Variants in MBTD1 observed in about 807,000 individuals in gnomAD.
MBTD1 encodes the protein MBT domain-containing protein 1.
Under a neutral mutation model 87.8 loss-of-function variants are expected in MBTD1, and 24 were observed. The observed-to-expected ratio is 0.27, with a 90% confidence interval of 0.20 to 0.38. The LOEUF (loss-of-function observed/expected upper bound fraction) is 0.38, where lower values mean the gene tolerates loss of function less well. Among genes scored for constraint, MBTD1 ranks in the 10% least tolerant of loss-of-function variants. The pLI, the probability that MBTD1 is intolerant of heterozygous loss-of-function variation, is 1.00. For synonymous variants in MBTD1, 237 were observed against 248.6 expected (o/e 0.95, Z 0.44); for missense variants, 436 against 760.2 (o/e 0.57, Z 5.02).
At chr17:51,258,449 T>G (rs1221933901) in intron 2 of MBTD1, among the ~76,000 whole-genome samples, 1 of 151,430 alleles carries the variant, frequency 6.6e-6, no homozygotes, top group Non-Finnish European at 1.5e-5. Flanking sequence ...TATTGTAAAC[T>G]CTAAACAAGT....
intron 2 of MBTD1, among the ~76,000 whole-genome samples, chr17:51,244,543 G>C (rs926138984): frequency 1.3e-5 from 2 of 151,914 alleles, no homozygotes; most frequent in African/African-American, 4.8e-5. Flanking sequence ...GAGTAGCTGG[G>C]ATTACAGGTG....
chr17:51,202,502 G>A (rs2143102023), intron 10 of MBTD1, among the ~76,000 whole-genome samples, 199 bp downstream of exon 10: 1 of 152,296 alleles, frequency 6.6e-6, no homozygotes, highest in South Asian at 2.1e-4. Context: ...TCCTTCTTTT[G>A]GAGAACAAGT....
intron 16 of MBTD1, among the ~76,000 whole-genome samples, chr17:51,189,015 C>T (rs1250047658): frequency 1.3e-5 from 2 of 152,116 alleles, no homozygotes; most frequent in East Asian, 3.9e-4. Flanking sequence ...GCCTCGGCCT[C>T]CCAAAGTGCT....
intron 7 of MBTD1, among the ~76,000 whole-genome samples, chr17:51,204,889 C>A (rs1194784602): frequency 6.6e-6 from 1 of 152,250 alleles, no homozygotes; most frequent in Middle Eastern, 3.4e-3. Context: ...CTTTAAGAAT[C>A]TAAATTTTTC....
At chr17:51,236,170 C>T (rs2053826173) in intron 2 of MBTD1, among the ~76,000 whole-genome samples, 1 of 152,098 alleles carries the variant, frequency 6.6e-6, no homozygotes, top group South Asian at 2.1e-4. Context: ...TATAGATTCA[C>T]ATCTCTACCT....
At chr17:51,252,885 G>A (rs1381223918) in intron 2 of MBTD1, among the ~76,000 whole-genome samples, 2 of 151,814 alleles carry the variant, frequency 1.3e-5, no homozygotes, top group Admixed American at 1.3e-4. Context: ...CCACTATAAA[G>A]TCACTAATGT....
At chr17:51,181,880 T>A (rs1275375752) in intron 16 of MBTD1, among the ~76,000 whole-genome samples, 1 of 152,158 alleles carries the variant, frequency 6.6e-6, no homozygotes, top group South Asian at 2.1e-4. Flanking sequence ...CAGTTTCATA[T>A]CCCCAAAGTG....
At chr17:51,226,185 C>CA (rs1463113540) in intron 2 of MBTD1, among the ~76,000 whole-genome samples, 13 of 147,478 alleles carry the variant, frequency 8.8e-5, no homozygotes, top group Admixed American at 6.0e-4. Flanking sequence ...AAAAAAAACA[C>CA]AAAAAAACAA....
intron 6 of MBTD1, chr17:51,209,331 C>T (rs1036006389): frequency 1.3e-5 from 6 of 470,492 alleles, no homozygotes; most frequent in Admixed American, 2.4e-5. Context: ...ACTCAGGACG[C>T]GAGGTCCACC....
chr17:51,206,541 T>C (rs1233756163), intron 7 of MBTD1, among the ~76,000 whole-genome samples: 1 of 152,158 alleles, frequency 6.6e-6, no homozygotes, highest in East Asian at 1.9e-4. Context: ...TTTTTAATGG[T>C]TGAAAAGAAA....
chr17:51,229,817 C>T (rs1047500465), intron 2 of MBTD1, among the ~76,000 whole-genome samples: 1 of 151,982 alleles, frequency 6.6e-6, no homozygotes, highest in Non-Finnish European at 1.5e-5. Context: ...CCCACCACCA[C>T]GCCCGGCTAA....
chr17:51,185,037 C>G (rs2050472901), intron 16 of MBTD1: 1 of 152,042 alleles, frequency 6.6e-6, no homozygotes, highest in Non-Finnish European at 1.5e-5. Flanking sequence ...GAGGCAAAAG[C>G]TAAAGAACAT....
rs978058343 is a variant in MBTD1 at position 51,259,898 on chromosome 17, C to T, written c.-176G>A. Reference sequence around the variant, plus strand: ...GGGTTGTCCGTGCTCCCCGAGCCCGCGGCGCCCCCTCCCCGGGCTGGGGGC... The same window carrying T: ...GGGTTGTCCGTGCTCCCCGAGCCCGTGGCGCCCCCTCCCCGGGCTGGGGGC... On this transcript the variant is annotated 5_prime_UTR_variant, in exon 1 of 17. Transcript: ENST00000586178. 4.0e-5 allele frequency: 49 copies of T among 1,231,434 alleles called. No individual in the cohort carries two copies. Among genetic ancestry groups the T allele is most frequent in the African/African-American group, 4.7e-5 (3 of 64,312 alleles). The allele number at this position is 1,231,434 out of a possible 1,614,324, so 76.3% of individuals were successfully genotyped here. A position where few individuals can be genotyped will look rare whatever the true frequency, so the allele number is the denominator to read the frequency against.
At chr17:51,260,723 CAGCGGAAACCGCCGGCCCGGCCG>C (rs1271886043), upstream of MBTD1, 1 of 1,595,576 alleles carries the variant, frequency 6.3e-7, no homozygotes, top group East Asian at 2.3e-5. Context: ...CCCTTCATCC[CAGCGGAAACCGCCGGCCCGGCCG>C]AGCGCGGCGG....
At chr17:51,192,537 CTA>C in intron 15 of MBTD1, 1 of 696,402 alleles carries the variant, frequency 1.4e-6, no homozygotes, top group African/African-American at 1.8e-5. Context: ...AATAGTAAGT[CTA>C]GTTTAATTTG....
intron 2 of MBTD1, among the ~76,000 whole-genome samples, chr17:51,236,041 AT>A (rs1467621936): frequency 2.0e-5 from 3 of 152,276 alleles, no homozygotes; most frequent in African/African-American, 7.2e-5. Flanking sequence ...TTATGGGTAT[AT>A]ATGGGTCTAT....
In MBTD1 at chr17:51,259,843, TTG is replaced by T; in HGVS notation, c.-123_-122del. On this transcript the variant is annotated 5_prime_UTR_variant, in exon 1 of 17. The change abolishes the stop of an existing upstream ORF in the 5' untranslated region. Transcript: ENST00000586178. Reference sequence around the variant, plus strand: ...CCGCGCTCGGCTCTCACCAGATCCTTTGTGTTTTCCATCAGGGCCTCATGGGT... The same window carrying T: ...CCGCGCTCGGCTCTCACCAGATCCTTTGTTTTCCATCAGGGCCTCATGGGT... The T allele has an allele frequency of 1.5e-5, 18 of 1,231,774 alleles. No homozygotes were observed. Among genetic ancestry groups the T allele is most frequent in the South Asian group, 8.2e-5 (2 of 24,316 alleles). 76.3% of individuals were successfully genotyped at this position (1,231,774 alleles called of 1,614,324 possible). A position where few individuals can be genotyped will look rare whatever the true frequency, so the allele number is the denominator to read the frequency against.
intron 2 of MBTD1, among the ~76,000 whole-genome samples, chr17:51,244,322 T>C (rs77063159): frequency 1.3e-5 from 2 of 152,298 alleles, no homozygotes; most frequent in South Asian, 4.1e-4. Context: ...CTAACTTCTA[T>C]TTTTTTCCCA....
Position 51,180,560 on chromosome 17 carries a change from C to T in MBTD1, c.*16G>A, listed in dbSNP as rs1568138114. The T allele has an allele frequency of 3.6e-6, 5 of 1,406,698 alleles. No individual in the cohort carries two copies. Among genetic ancestry groups the T allele is most frequent in the Non-Finnish European group, 4.9e-6 (5 of 1,017,196 alleles). The allele number at this position is 1,406,698 out of a possible 1,614,324, so 87.1% of individuals were successfully genotyped here. A position where few individuals can be genotyped will look rare whatever the true frequency, so the allele number is the denominator to read the frequency against. On this transcript the variant is annotated 3_prime_UTR_variant, in exon 17 of 17. Coordinates refer to ENST00000586178, the MANE Select transcript of MBTD1 (RefSeq NM_017643.3). The stretch of plus-strand genomic sequence containing the variant: ...TGTAAAATCCTTCCCCACCCGCCCT[C>T]AGTTTCTAAGCCACCTCATGGCTCT...
Sources: gnomAD v4.1 joint callset for allele counts (sites outside exome capture counted in the v4.1 genomes callset) on GRCh38, gnomAD v4.1.1 for gene constraint, MANE v1.5 for transcripts, NCBI Gene and HGNC (gene_info 2026-07-23, HGNC 2026-07-21) for gene names.